The following DENND10 variants were observed in gnomAD, a reference collection of about 807,000 sequenced individuals.
The protein encoded by DENND10 is DENN domain containing 10.
In DENND10, 24 loss-of-function variants were observed where a neutral mutation model predicts 43.6. The observed-to-expected ratio is 0.55, with a 90% CI of 0.40 to 0.77. DENND10 has a LOEUF of 0.77. Among genes scored for constraint, DENND10 ranks in the 30% least tolerant of loss-of-function variants. DENND10 has a pLI of 0.00. For synonymous variants in DENND10, 125 were observed against 157.6 expected, an observed-to-expected ratio of 0.79 and a Z score of 1.55; for missense variants, 303 against 429.9, an observed-to-expected ratio of 0.70 and a Z score of 2.61.
At chr10:119,117,812 A>T (rs1564788025) in intron 4 of DENND10, 145 bp downstream of exon 4, 4 of 742,370 alleles carry the variant, frequency 5.4e-6, no homozygotes, top group African/African-American at 1.8e-5. Context: ...CTAAAAATAC[A>T]AAAAATTAGC....
chr10:119,116,738 G>A (rs1464031439), intron 3 of DENND10, among the ~76,000 whole-genome samples: 6 of 147,950 alleles, frequency 4.1e-5, no homozygotes, highest in South Asian at 2.1e-4. Flanking sequence ...GTGCAATCTC[G>A]GCTCATTGTA....
chr10:119,130,188 A>G (rs1220144854), intron 7 of DENND10, among the ~76,000 whole-genome samples: 1 of 147,000 alleles, frequency 6.8e-6, no homozygotes, highest in African/African-American at 2.5e-5. Context: ...TTTTTTTGAG[A>G]TGGAGTCTTA....
At chr10:119,110,009 C>A (rs1034403574) in intron 2 of DENND10, among the ~76,000 whole-genome samples, 1 of 151,942 alleles carries the variant, frequency 6.6e-6, no homozygotes, top group Non-Finnish European at 1.5e-5. Context: ...GATGAGGTCT[C>A]ACTCTGTTGC....
At chr10:119,122,638 G>T (rs898024855) in intron 5 of DENND10, among the ~76,000 whole-genome samples, 2 of 152,024 alleles carry the variant, frequency 1.3e-5, no homozygotes, top group African/African-American at 4.8e-5. Flanking sequence ...GGGCACCAGG[G>T]GTTCATGAAG....
rs1176038154 is a variant in DENND10 at position 119,137,703 on chromosome 10, CA to C, written c.*1062del. On this transcript the variant is annotated 3_prime_UTR_variant, in exon 9 of 9. Transcript: ENST00000361432. ...GAAATCTTACCTGGAAACATGTTTG[CA>C]AAAAACATTATTGGGTCTTTCATCT... The C allele has an allele frequency of 2.4e-5, 4 of 166,054 alleles. No homozygotes were observed. The highest frequency in any genetic ancestry group is 5.9e-5 in the Non-Finnish European group (4 of 67,956). 10.3% of individuals were successfully genotyped at this position (166,054 alleles called of 1,614,324 possible). A position where few individuals can be genotyped will look rare whatever the true frequency, so the allele number is the denominator to read the frequency against.
chr10:119,115,035 G>A (rs1016532343), intron 3 of DENND10, among the ~76,000 whole-genome samples: 2 of 152,126 alleles, frequency 1.3e-5, no homozygotes, highest in African/African-American at 2.4e-5. Flanking sequence ...CTCCTAGAGT[G>A]TAGAGATTAT....
At chr10:119,118,961 A>C (rs1845427589) in intron 4 of DENND10, among the ~76,000 whole-genome samples, 1 of 150,322 alleles carries the variant, frequency 6.7e-6, no homozygotes, top group Non-Finnish European at 1.5e-5. Flanking sequence ...CTCGTGCCTC[A>C]GCCTCCCAAG....
At chr10:119,114,264 G>GCGCACA (rs1491364880) in intron 3 of DENND10, 1 of 149,922 alleles carries the variant, frequency 6.7e-6, no homozygotes, top group African/African-American at 2.5e-5. Flanking sequence ...CCAAGTATTT[G>GCGCACA]CACACACACA....
At chr10:119,131,979 T>C (rs1176329788) in intron 7 of DENND10, among the ~76,000 whole-genome samples, 1 of 152,160 alleles carries the variant, frequency 6.6e-6, no homozygotes, top group Non-Finnish European at 1.5e-5. Context: ...ACAAACAAGT[T>C]TCTGTTAACC....
At chr10:119,125,174 G>A (rs1437535936) in intron 6 of DENND10, among the ~76,000 whole-genome samples, 3 of 151,856 alleles carry the variant, frequency 2.0e-5, no homozygotes, top group East Asian at 1.9e-4. Context: ...GTTTCTCCAC[G>A]TTGGCCAGGC....
intron 6 of DENND10, among the ~76,000 whole-genome samples, chr10:119,127,452 G>GT (rs1244648098): frequency 6.6e-6 from 1 of 151,642 alleles, no homozygotes; most frequent in Non-Finnish European, 1.5e-5. Context: ...TGTTTTTGTT[G>GT]TTTTTTAAAT....
chr10:119,111,115 A>G (rs1806218139), intron 2 of DENND10, among the ~76,000 whole-genome samples: 2 of 151,886 alleles, frequency 1.3e-5, no homozygotes, highest in Admixed American at 6.6e-5. Flanking sequence ...ACAAAAAATT[A>G]GCTGGGCATG....
chr10:119,119,478 T>C (rs1444370978), intron 4 of DENND10, among the ~76,000 whole-genome samples: 1 of 152,138 alleles, frequency 6.6e-6, no homozygotes, highest in Non-Finnish European at 1.5e-5. Context: ...GGTTGCACCA[T>C]GGTGGCCAGG....
intron 3 of DENND10, among the ~76,000 whole-genome samples, chr10:119,115,599 C>T (rs1317802763): frequency 7.0e-6 from 1 of 143,372 alleles, no homozygotes; most frequent in Non-Finnish European, 1.5e-5. Context: ...CCGTTTTAGC[C>T]GGGATGGTCT....
chr10:119,127,059 T>TG (rs1270553710), intron 6 of DENND10, among the ~76,000 whole-genome samples: 2 of 150,226 alleles, frequency 1.3e-5, no homozygotes, highest in Non-Finnish European at 3.0e-5. Context: ...CCACCATGCC[T>TG]GGCTAATTTT....
intron 6 of DENND10, among the ~76,000 whole-genome samples, chr10:119,127,849 C>T (rs763840957): frequency 3.3e-5 from 5 of 152,040 alleles, no homozygotes; most frequent in Non-Finnish European, 5.9e-5. Context: ...AGGACAGTCT[C>T]AAACTCCTGG....
intron 6 of DENND10, among the ~76,000 whole-genome samples, chr10:119,127,154 T>C (rs115062746): frequency 0.011 from 1,694 of 151,682 alleles, 37 homozygotes; most frequent in African/African-American, 0.039. Context: ...TCCTCCCGCC[T>C]TGGCCTCCCA....
chr10:119,133,898 T>C (rs1465705135), intron 8 of DENND10: 1 of 152,208 alleles, frequency 6.6e-6, no homozygotes, highest in Non-Finnish European at 1.5e-5. Flanking sequence ...TACTGTGTTG[T>C]TCACAGACTA....
intron 5 of DENND10, among the ~76,000 whole-genome samples, chr10:119,122,461 GTTA>G (rs1179424438): frequency 6.6e-6 from 1 of 152,180 alleles, no homozygotes; most frequent in Non-Finnish European, 1.5e-5. Flanking sequence ...CACTTTAGAA[GTTA>G]TTATTGTTAT....
Sources: allele counts gnomAD v4.1 joint callset (sites outside exome capture counted in the v4.1 genomes callset), GRCh38; gene constraint gnomAD v4.1.1; transcripts MANE v1.5; gene names NCBI Gene and HGNC (gene_info 2026-07-23, HGNC 2026-07-21).